Variants in ZNF326 observed in about 807,000 individuals in gnomAD.
The protein encoded by ZNF326 is zinc finger protein 326.
Under a neutral mutation model 63.1 loss-of-function variants are expected in ZNF326, and 30 were observed. The ratio of observed to expected loss-of-function variants is 0.48; its 90% CI spans 0.36 to 0.64. The LOEUF (loss-of-function observed/expected upper bound fraction) is 0.64, where lower values mean the gene tolerates loss of function less well. ZNF326 is among the 30% of genes least tolerant of loss of function. The pLI is 0.00. For missense variants in ZNF326, 609 were observed against 720.3 expected, an observed-to-expected ratio of 0.85 and a Z score of 1.77; for synonymous variants, 194 against 228.2, an observed-to-expected ratio of 0.85 and a Z score of 1.35.
Position 90,028,500 on chromosome 1 carries a change from T to C in ZNF326, c.*799T>C, listed in dbSNP as rs1312785524. The C allele has an allele frequency of 5.9e-5, 9 of 152,234 alleles. No homozygotes were observed. The highest frequency in any genetic ancestry group is 2.2e-4 in the African/African-American group (9 of 41,468). The allele number at this position is 152,234 out of a possible 1,614,324, so 9.4% of individuals were successfully genotyped here. A position where few individuals can be genotyped will look rare whatever the true frequency, so the allele number is the denominator to read the frequency against. ...CTTTTCCCTGTGCCTGTGTCAAATC[T>C]TCAAGTCTTGCTGAAAATACATTTG... On this transcript the variant is annotated 3_prime_UTR_variant, in exon 12 of 12. Coordinates refer to ENST00000340281, the MANE Select transcript of ZNF326 (RefSeq NM_182976.4).
chr1:90,017,326 T>C lies in ZNF326; in HGVS notation c.936T>C (p.Phe312=), dbSNP rs1289038182. 1.3e-6 allele frequency: 2 copies of C among 1,594,926 alleles called. No individual in the cohort carries two copies. Among genetic ancestry groups the C allele is most frequent in the Non-Finnish European group, 1.7e-6 (2 of 1,173,892 alleles). Residue 312 remains phenylalanine (F), a synonymous_variant, in exon 8 of 12, where the codon TTT becomes TTC. Coordinates refer to ENST00000340281, the MANE Select transcript of ZNF326 (RefSeq NM_182976.4). ...EKYGDGYRMA[F]TCSFCKFRTF... is the part of the protein sequence containing the mutation. ...TTTTTTTCTCTTACAGAATGGCATT[T>C]ACATGTTCATTTTGTAAATTTCGAA...
chr1:90,002,560 A>G (rs1648736802), intron 2 of ZNF326, among the ~76,000 whole-genome samples: 1 of 152,228 alleles, frequency 6.6e-6, no homozygotes. Context: ...CATAAATTTT[A>G]CTATATACTT....
At position 89,999,668 on chromosome 1, in the gene ZNF326, A is replaced by G. The variant is rs2801998; in HGVS notation, c.61+1514A>G. 8.5e-3 allele frequency among the ~76,000 whole-genome samples: 1,297 copies of G among 152,250 alleles called. 13 individuals are homozygous for G. Among genetic ancestry groups the G allele is most frequent in the African/African-American group, 0.03 (1,235 of 41,530 alleles). ...CAGGGCAAGTGGTCTTTGGCTGTGT[A>G]TGTTGTGCAAAACTACTCTGAATGA... On this transcript the variant is annotated intron_variant, in intron 2 of 11. Coordinates refer to ENST00000340281, the MANE Select transcript of ZNF326 (RefSeq NM_182976.4).
At chr1:90,013,733 A>C (rs538034510) in intron 7 of ZNF326, among the ~76,000 whole-genome samples, 3 of 152,290 alleles carry the variant, frequency 2.0e-5, no homozygotes, top group African/African-American at 7.2e-5. Context: ...GACTGTAAGG[A>C]AGAATGTAAT....
At chr1:89,997,428 C>T (rs1229860333) in intron 1 of ZNF326, among the ~76,000 whole-genome samples, 1 of 151,874 alleles carries the variant, frequency 6.6e-6, no homozygotes, top group Non-Finnish European at 1.5e-5. Context: ...GGCTGGAGTG[C>T]AGTGGTGCAG....
intron 1 of ZNF326, among the ~76,000 whole-genome samples, chr1:89,995,762 G>A (rs923361400): frequency 6.6e-6 from 1 of 152,216 alleles, no homozygotes; most frequent in Non-Finnish European, 1.5e-5. Flanking sequence ...TGTTTGTCCC[G>A]GTTTAAGATG....
At chr1:90,024,258 A>G (rs1234358328) in intron 11 of ZNF326, among the ~76,000 whole-genome samples, 2 of 152,036 alleles carry the variant, frequency 1.3e-5, no homozygotes, top group Non-Finnish European at 2.9e-5. Flanking sequence ...AAACAAAACA[A>G]CTTTGTCCTC....
chr1:90,019,577 C>G (rs1164809329), intron 9 of ZNF326, among the ~76,000 whole-genome samples: 1 of 152,056 alleles, frequency 6.6e-6, no homozygotes, highest in Non-Finnish European at 1.5e-5. Flanking sequence ...TATGGTTTCT[C>G]TGCCACTCTT....
intron 5 of ZNF326, among the ~76,000 whole-genome samples, chr1:90,009,245 A>G (rs1322691028): frequency 6.6e-6 from 1 of 152,082 alleles, no homozygotes. Context: ...CTACATTTTA[A>G]ATCTTCACTT....
In ZNF326 at chr1:90,007,338, T is replaced by C; in HGVS notation, c.210-7T>C. ...TTGTTTTTTCCCTCACTGTGCAACT[T>C]TTCCAGGTTTGGACCTTATGAGTCT... On this transcript the variant is annotated splice_polypyrimidine_tract_variant and splice_region_variant and intron_variant, in intron 4 of 11. Transcript: ENST00000340281. The surrounding 1 kb of genome is among the most constrained non-coding windows in gnomAD (Gnocchi z 4.9). 1 of 1,569,788 alleles carries C rather than the reference T, an allele frequency of 6.4e-7. No homozygotes were observed. The highest frequency in any genetic ancestry group is 1.2e-5 in the South Asian group (1 of 86,164).
intron 11 of ZNF326, among the ~76,000 whole-genome samples, chr1:90,022,709 A>G (rs72716378): frequency 6.6e-6 from 1 of 152,154 alleles, no homozygotes; most frequent in African/African-American, 2.4e-5. Flanking sequence ...GTAGACTTAG[A>G]TCCTCCCAAT....
At position 90,034,649 on chromosome 1, in the gene ZNF326, G is replaced by T. The variant is rs1650413606; in HGVS notation, c.*6948G>T. 1 of 152,008 alleles carries T rather than the reference G, an allele frequency of 6.6e-6. No individual in the cohort carries two copies. Among genetic ancestry groups the T allele is most frequent in the Non-Finnish European group, 1.5e-5 (1 of 67,936 alleles). The allele number at this position is 152,008 out of a possible 1,614,324, so 9.4% of individuals were successfully genotyped here. Reference sequence around the variant, plus strand: ...ATCAATTTTTAAAAATCAGACAAAAGAAAACACTGTCCTTGTAATGCTTGC... The same window carrying T: ...ATCAATTTTTAAAAATCAGACAAAATAAAACACTGTCCTTGTAATGCTTGC... On this transcript the variant is annotated 3_prime_UTR_variant, in exon 12 of 12. Coordinates refer to ENST00000340281, the MANE Select transcript of ZNF326 (RefSeq NM_182976.4).
chr1:90,014,227 A>G (rs1364183647), intron 7 of ZNF326, among the ~76,000 whole-genome samples: 1 of 152,216 alleles, frequency 6.6e-6, no homozygotes, highest in Non-Finnish European at 1.5e-5. Flanking sequence ...TAAAAGTTAT[A>G]GAATAAATTA....
intron 2 of ZNF326, among the ~76,000 whole-genome samples, chr1:90,003,386 C>T (rs899224074): frequency 5.9e-5 from 9 of 152,168 alleles, no homozygotes; most frequent in African/African-American, 1.9e-4. Context: ...CCTGCCTCGA[C>T]CTCCCAAAGT....
intron 7 of ZNF326, among the ~76,000 whole-genome samples, chr1:90,015,767 G>A (rs1374138563): frequency 1.3e-5 from 2 of 152,292 alleles, no homozygotes; most frequent in East Asian, 3.9e-4. Flanking sequence ...GAATGGTAGG[G>A]TTACAGGAGG....
chr1:90,020,913 A>C lies in ZNF326; in HGVS notation c.1296A>C (p.Lys432Asn), dbSNP rs758404686. 3 of 1,612,098 alleles carry C rather than the reference A, an allele frequency of 1.9e-6. No individual in the cohort carries two copies. In the South Asian group the frequency reaches 3.3e-5, roughly 18 times the overall value. Residue 432 changes from lysine to asparagine, a missense_variant, in exon 10 of 12, where the codon AAA becomes AAC. This residue lies in a region of ZNF326 where 399 missense variants were observed against 444.3 expected (regional missense o/e 0.90). Transcript: ENST00000340281. ...QQHLKSPDHI[K>N]GKQAYKEQIK... is the part of the protein sequence containing the mutation. The stretch of plus-strand genomic sequence containing the variant: ...ACTTAAAATCTCCTGATCATATCAA[A>C]GGGAAGCAGGTAAAATTTTCATCTG...
intron 2 of ZNF326, among the ~76,000 whole-genome samples, chr1:89,998,936 G>C (rs530552142): frequency 1.1e-4 from 16 of 152,222 alleles, no homozygotes; most frequent in Middle Eastern, 3.4e-3. Flanking sequence ...TGCCATTTAT[G>C]GGAATAATTA....
Position 90,027,391 on chromosome 1 carries a change from A to G in ZNF326, c.1439A>G (p.Asp480Gly). 5 of 1,614,024 alleles carry G rather than the reference A, an allele frequency of 3.1e-6. No individual in the cohort carries two copies. The South Asian group carries it at 4.4e-5, about 14-fold the overall frequency. ...TTTGAAATTCAAGACCATTCTCAGG[A>G]TCAGCAAATAGAAGGAGATGAGGAG... ...NPFEIQDHSQ[D>G]QQIEGDEEDE... The change falls in exon 12 of 12, where the codon GAT becomes GGT. Residue 480 changes from aspartate (D) to glycine (G), a missense_variant. Physicochemically the swap from Asp to Gly is moderately conservative, Grantham distance 94. Transcript: ENST00000340281.
chr1:90,025,280 C>A (rs1649963975), intron 11 of ZNF326, among the ~76,000 whole-genome samples: 1 of 152,144 alleles, frequency 6.6e-6, no homozygotes, highest in Admixed American at 6.5e-5. Flanking sequence ...CCAAACTTCA[C>A]TGATAAATAT....
Sources: allele counts gnomAD v4.1 joint callset (sites outside exome capture counted in the v4.1 genomes callset), GRCh38; gene constraint gnomAD v4.1.1; regional missense constraint gnomAD v4.1.1; non-coding constraint Gnocchi (gnomAD v3.1); transcripts MANE v1.5; gene names NCBI Gene and HGNC (gene_info 2026-07-23, HGNC 2026-07-21).